ZNF730: variants seen among roughly 807,000 people sequenced by gnomAD.
ZNF730 encodes the protein putative zinc finger protein 730.
Under a neutral mutation model 12.6 loss-of-function variants are expected in ZNF730, and 12 were observed. That is an observed-to-expected ratio of 0.95 (90% confidence interval 0.61 to 1.54). The LOEUF is 1.54. Ranked by LOEUF, ZNF730 falls within the 40% of genes most tolerant of loss-of-function variation. ZNF730 has a pLI of 0.00. For missense variants in ZNF730, 643 were observed against 583.5 expected, an observed-to-expected ratio of 1.10 and a Z score of -1.05; for synonymous variants, 194 against 195.8, an observed-to-expected ratio of 0.99 and a Z score of 0.08.
chr19:23,087,221 A>G (rs992614848), intron 1 of ZNF730, among the ~76,000 whole-genome samples: 4 of 152,136 alleles, frequency 2.6e-5, no homozygotes, highest in Admixed American at 6.6e-5. Context: ...CAGCCTGGCC[A>G]ACATGGTGAA....
chr19:23,086,149 A>C (rs565210426), intron 1 of ZNF730, among the ~76,000 whole-genome samples: 9 of 152,126 alleles, frequency 5.9e-5, no homozygotes, highest in African/African-American at 2.2e-4. Flanking sequence ...GGCCCCACCC[A>C]ATTTTTAATG....
At position 23,145,591 on chromosome 19, in the gene ZNF730, T is replaced by A; in HGVS notation, c.547T>A (p.Cys183Ser). The A allele has an allele frequency of 6.5e-7, 1 of 1,544,012 alleles. No individual in the cohort carries two copies. Among genetic ancestry groups the A allele is most frequent in the South Asian group, 1.2e-5 (1 of 81,910 alleles). The change falls in exon 4 of 4, where the codon TGC becomes AGC. Residue 183 changes from cysteine (C) to serine (S), a missense_variant. Cys to Ser is a moderately radical substitution (Grantham distance 112). Transcript: ENST00000597761. ...FKCKECGKLF[C>S]ILSHLAQHKK... Reference sequence around the variant, plus strand: ...ATGTAAAGAATGTGGAAAATTATTTTGCATTCTTTCACACTTAGCTCAACA... The same window carrying A: ...ATGTAAAGAATGTGGAAAATTATTTAGCATTCTTTCACACTTAGCTCAACA...
intron 1 of ZNF730, among the ~76,000 whole-genome samples, chr19:23,090,770 G>A (rs1025867993): frequency 6.6e-6 from 1 of 152,104 alleles, no homozygotes; most frequent in African/African-American, 2.4e-5. Flanking sequence ...GCTGAGGTGG[G>A]TGGATCACCT....
intron 3 of ZNF730, among the ~76,000 whole-genome samples, chr19:23,142,811 C>A (rs1970943047): frequency 6.7e-6 from 1 of 149,624 alleles, no homozygotes; most frequent in Admixed American, 6.7e-5. Context: ...GCATTTTTGT[C>A]CCTCATTTTC....
At chr19:23,095,505 C>A in intron 1 of ZNF730, 1 of 398,596 alleles carries the variant, frequency 2.5e-6, no homozygotes, top group Non-Finnish European at 4.4e-6. Flanking sequence ...TATCACTGGG[C>A]TAAGCACCTA....
intron 3 of ZNF730, 81 bp from the exon 4 acceptor site, chr19:23,145,190 T>C (rs1195965261): frequency 9.2e-6 from 9 of 976,912 alleles, no homozygotes; most frequent in Non-Finnish European, 1.3e-5. Flanking sequence ...TGTTATGTAG[T>C]TTGTATAACT....
At chr19:23,099,152 T>C (rs561072788) in intron 1 of ZNF730, among the ~76,000 whole-genome samples, 1 of 152,266 alleles carries the variant, frequency 6.6e-6, no homozygotes, top group East Asian at 1.9e-4. Flanking sequence ...TAGTTAAAAT[T>C]GTGATATCAT....
intron 1 of ZNF730, among the ~76,000 whole-genome samples, chr19:23,097,580 T>C (rs548918420): frequency 6.6e-6 from 1 of 152,194 alleles, no homozygotes; most frequent in East Asian, 1.9e-4. Flanking sequence ...CCCTGCCTAC[T>C]TGGGGCATTG....
upstream of ZNF730, among the ~76,000 whole-genome samples, chr19:23,112,528 C>G (rs967375015): frequency 6.6e-6 from 1 of 152,018 alleles, no homozygotes; most frequent in Non-Finnish European, 1.5e-5. Flanking sequence ...TTGAGACCAG[C>G]CTGACCAACA....
intron 3 of ZNF730, among the ~76,000 whole-genome samples, chr19:23,143,258 A>G (rs1386607893): frequency 2.6e-5 from 4 of 152,216 alleles, no homozygotes; most frequent in Non-Finnish European, 5.9e-5. Context: ...AAAGAAAAAA[A>G]AAAACAATAT....
At chr19:23,086,362 A>G (rs942165534) in intron 1 of ZNF730, among the ~76,000 whole-genome samples, 1 of 152,116 alleles carries the variant, frequency 6.6e-6, no homozygotes, top group Non-Finnish European at 1.5e-5. Flanking sequence ...CATCTTTGTA[A>G]TGAAGTCTTT....
chr19:23,080,788 G>A (rs1045219084), intron 1 of ZNF730, among the ~76,000 whole-genome samples: 1 of 151,026 alleles, frequency 6.6e-6, no homozygotes, highest in Non-Finnish European at 1.5e-5. Context: ...TACAGTTATA[G>A]ATTTTATGTT....
intron 1 of ZNF730, among the ~76,000 whole-genome samples, chr19:23,090,772 G>T (rs1273135526): frequency 6.6e-5 from 10 of 152,004 alleles, no homozygotes; most frequent in Non-Finnish European, 1.5e-5. Flanking sequence ...TGAGGTGGGT[G>T]GATCACCTGA....
chr19:23,127,663 A>C, intron 1 of ZNF730: 1 of 1,195,456 alleles, frequency 8.4e-7, no homozygotes, highest in Non-Finnish European at 1.2e-6. Context: ...ATTTTACTTT[A>C]TTCCGCTCAC....
At chr19:23,095,212 C>G (rs1242634834) in intron 1 of ZNF730, 1 of 394,540 alleles carries the variant, frequency 2.5e-6, no homozygotes, top group African/African-American at 2.1e-5. Context: ...TGACATATCA[C>G]TGGGTCTTGT....
At chr19:23,105,289 G>A (rs940838883) in intron 1 of ZNF730, among the ~76,000 whole-genome samples, 1 of 151,714 alleles carries the variant, frequency 6.6e-6, no homozygotes, top group East Asian at 1.9e-4. Flanking sequence ...GCTAATTTTT[G>A]TATTTTTAGT....
At chr19:23,113,371 A>G (rs569311150), upstream of ZNF730, among the ~76,000 whole-genome samples, 11 of 152,318 alleles carry the variant, frequency 7.2e-5, no homozygotes, top group Non-Finnish European at 1.5e-4. Context: ...TTTTCATGCA[A>G]TCACCTGTAG....
In ZNF730 at chr19:23,146,077, T is replaced by A. The variant is rs1971004184; in HGVS notation, c.1033T>A (p.Cys345Ser). ...NGEKPYKCEE[C>S]GKAFNRSSTL... ...AGAAAAACCCTACAAATGTGAAGAATGTGGCAAAGCTTTTAACCGATCCTC... is the reference window on the plus strand; with the variant it reads ...AGAAAAACCCTACAAATGTGAAGAAAGTGGCAAAGCTTTTAACCGATCCTC... The change falls in exon 4 of 4, where the codon TGT becomes AGT. Residue 345 changes from cysteine (C) to serine (S), a missense_variant. Transcript: ENST00000597761. 6.2e-7 allele frequency: 1 copy of A among 1,612,524 alleles called. No homozygotes were observed. The highest frequency in any genetic ancestry group is 2.2e-5 in the East Asian group (1 of 44,840).
In ZNF730 at chr19:23,146,469, T is replaced by C; in HGVS notation, c.1425T>C (p.Ser475=). Reference sequence around the variant, plus strand: ...TCACTACACATAAGATAATTCATTCTGGGGAAAAAATCTACAAATGTAAAG... The same window carrying C: ...TCACTACACATAAGATAATTCATTCCGGGGAAAAAATCTACAAATGTAAAG... The part of the protein sequence containing the change: ...STLTTHKIIH[S]GEKIYKCKEC... Residue 475 remains serine (S), a synonymous_variant, in exon 4 of 4, where the codon TCT becomes TCC. Coordinates refer to ENST00000597761, the MANE Select transcript of ZNF730 (RefSeq NM_001277403.2). 2 of 1,608,856 alleles carry C rather than the reference T, an allele frequency of 1.2e-6. No homozygotes were observed. The highest frequency in any genetic ancestry group is 2.2e-5 in the South Asian group (2 of 90,638).
Sources: gnomAD v4.1 joint callset for allele counts (sites outside exome capture counted in the v4.1 genomes callset) on GRCh38, gnomAD v4.1.1 for gene constraint, MANE v1.5 for transcripts, NCBI Gene and HGNC (gene_info 2026-07-23, HGNC 2026-07-21) for gene names.